The following ATP13A4 variants were observed in gnomAD, a reference collection of about 807,000 sequenced individuals.
The protein encoded by ATP13A4 is ATPase 13A4.
In ATP13A4, 114 loss-of-function variants were observed where a neutral mutation model predicts 142.5. The ratio of observed to expected loss-of-function variants is 0.80; its 90% CI spans 0.69 to 0.93. The LOEUF (loss-of-function observed/expected upper bound fraction) is 0.93. Among genes scored for constraint, ATP13A4 ranks in the 40% least tolerant of loss-of-function variants. ATP13A4 has a pLI of 0.00. For synonymous variants in ATP13A4, 488 were observed against 514.8 expected (o/e 0.95, Z 0.70); for missense variants, 1,392 against 1,454.0 (o/e 0.96, Z 0.69).
At chr3:193,520,688 CAA>C (rs981333648) in intron 1 of ATP13A4, among the ~76,000 whole-genome samples, 2 of 150,260 alleles carry the variant, frequency 1.3e-5, no homozygotes, top group Non-Finnish European at 3.0e-5. Flanking sequence ...TACTACTTTG[CAA>C]AAAAAAATTA....
At chr3:193,544,391 G>A (rs1178269211) in intron 1 of ATP13A4, among the ~76,000 whole-genome samples, 2 of 152,086 alleles carry the variant, frequency 1.3e-5, no homozygotes, top group East Asian at 3.9e-4. Flanking sequence ...CACAGAGAGG[G>A]AGAATATGAA....
intron 5 of ATP13A4, among the ~76,000 whole-genome samples, chr3:193,491,688 C>T (rs1719954278): frequency 6.6e-6 from 1 of 152,122 alleles, no homozygotes; most frequent in Non-Finnish European, 1.5e-5. Context: ...TTGTCTCATT[C>T]AAGTACTTTC....
intron 25 of ATP13A4, among the ~76,000 whole-genome samples, chr3:193,416,606 G>A (rs1487339070): frequency 1.3e-5 from 2 of 152,014 alleles, no homozygotes; most frequent in Admixed American, 6.6e-5. Context: ...CTGCTCAACA[G>A]CAAACTTGAG....
chr3:193,447,183 C>T (rs1717005714), intron 18 of ATP13A4, among the ~76,000 whole-genome samples: 2 of 152,104 alleles, frequency 1.3e-5, no homozygotes, highest in South Asian at 4.1e-4. Flanking sequence ...GAGAATGTGT[C>T]ATCTAAGTGC....
intron 2 of ATP13A4, among the ~76,000 whole-genome samples, chr3:193,567,449 A>C (rs1724159052): frequency 6.6e-6 from 1 of 152,222 alleles, no homozygotes; most frequent in African/African-American, 2.4e-5. Flanking sequence ...GTTCTGCTTA[A>C]TTTCTGCTAG....
intron 5 of ATP13A4, among the ~76,000 whole-genome samples, chr3:193,492,261 A>T (rs1360834343): frequency 6.6e-6 from 1 of 152,182 alleles, no homozygotes; most frequent in Admixed American, 6.5e-5. Flanking sequence ...AAGCATGTGA[A>T]TCATAGAAAC....
intron 2 of ATP13A4, among the ~76,000 whole-genome samples, chr3:193,503,475 T>A (rs1317481921): frequency 6.6e-6 from 1 of 152,056 alleles, no homozygotes. Flanking sequence ...TAAAACCCAC[T>A]CAGATGACTG....
chr3:193,413,343 A>C (rs1714875065), intron 26 of ATP13A4, among the ~76,000 whole-genome samples: 1 of 152,194 alleles, frequency 6.6e-6, no homozygotes, highest in Admixed American at 6.5e-5. Context: ...ACTATTGTAC[A>C]AATTGATTGT....
In ATP13A4 at chr3:193,452,533, C is replaced by G. The variant is rs138872137; in HGVS notation, c.2027+1568G>C. Among the ~76,000 whole-genome samples, 774 of 149,530 alleles carry G rather than the reference C, an allele frequency of 5.2e-3. 4 individuals carry two copies. The highest frequency in any genetic ancestry group is 0.018 in the African/African-American group (737 of 40,592). Reference sequence around the variant, plus strand: ...GTTGGGTCACAGCAGTCCTTCTAAGCAGAAACAGTCCTCCCTCTAGAGGAC... The same window carrying G: ...GTTGGGTCACAGCAGTCCTTCTAAGGAGAAACAGTCCTCCCTCTAGAGGAC... On this transcript the variant is annotated intron_variant, in intron 17 of 29. Coordinates refer to ENST00000342695, the MANE Select transcript of ATP13A4 (RefSeq NM_032279.4).
chr3:193,592,741 T>C (rs1421996371), intron 1 of ATP13A4, among the ~76,000 whole-genome samples: 15 of 152,204 alleles, frequency 9.9e-5, no homozygotes, highest in Admixed American at 9.8e-4. Flanking sequence ...TCCATGACTC[T>C]TCGTCCTGCT....
At position 193,538,836 on chromosome 3, in the gene ATP13A4, A is replaced by G. The variant is rs144732603; in HGVS notation, c.60+15904T>C. Among the ~76,000 whole-genome samples, 265 of 151,910 alleles carry G rather than the reference A, an allele frequency of 1.7e-3. 1 individual carries two copies. Among genetic ancestry groups the G allele is most frequent in the Non-Finnish European group, 2.6e-3 (174 of 67,986 alleles). On this transcript the variant is annotated intron_variant, in intron 1 of 29. Transcript: ENST00000342695. ...ATTCAGATCTGCTGCAAAAGGAGGC[A>G]GAAGCAATATGCAGACAAATGGAGG...
intron 2 of ATP13A4, among the ~76,000 whole-genome samples, chr3:193,577,687 C>T (rs1262781292): frequency 6.6e-6 from 1 of 152,206 alleles, no homozygotes; most frequent in Non-Finnish European, 1.5e-5. Context: ...AACCTGTAGT[C>T]CTGAGGCACC....
chr3:193,442,397 T>C lies in ATP13A4; in HGVS notation c.2312A>G (p.Asn771Ser). 1 of 1,613,776 alleles carries C rather than the reference T, an allele frequency of 6.2e-7. No individual in the cohort carries two copies. ...AAGGTCTGTGTTCAGGAGTACCTGA[T>C]TCCCATACATAATGTGTTTCTTCTC... ...VEEKKHIMYG[N>S]QDNYINIRDE... The change falls in exon 19 of 30, where the codon AAT becomes AGT. Residue 771 changes from asparagine to serine, a missense_variant. Asn to Ser is a conservative substitution (Grantham distance 46, BLOSUM62 1). Coordinates refer to ENST00000342695, the MANE Select transcript of ATP13A4 (RefSeq NM_032279.4).
chr3:193,414,834 A>G, intron 25 of ATP13A4, 84 bp from the exon 26 acceptor site: 2 of 1,381,682 alleles, frequency 1.4e-6, no homozygotes, highest in Non-Finnish European at 1.0e-6. Context: ...TCATTGGCCC[A>G]TACATTTGAG....
At position 193,448,330 on chromosome 3, in the gene ATP13A4, C is replaced by T; in HGVS notation, c.2028G>A (p.Arg676=). 6.2e-7 allele frequency: 1 copy of T among 1,613,750 alleles called. No homozygotes were observed. The highest frequency in any genetic ancestry group is 8.5e-7 in the Non-Finnish European group (1 of 1,179,980). The change falls in exon 18 of 30, where the codon AGG becomes AGA. Residue 676 remains arginine (R), a splice_region_variant and synonymous_variant. Transcript: ENST00000342695. The stretch of plus-strand genomic sequence containing the variant: ...ATATCAGGTCTGATTCTACCGTCTC[C>T]CTGAAAATACATATATAGATGTATT... The part of the protein sequence containing the change: ...ENDHHATTLT[R]ETVESDLIFL...
chr3:193,440,675 C>T (rs750950654), intron 20 of ATP13A4, 38 bp from the exon 21 acceptor site: 7 of 1,597,920 alleles, frequency 4.4e-6, no homozygotes, highest in African/African-American at 1.3e-5. Context: ...TTTATCAAGT[C>T]ATCTGGTTGT....
At chr3:193,556,288 T>A (rs1325374326), upstream of ATP13A4, among the ~76,000 whole-genome samples, 1 of 152,156 alleles carries the variant, frequency 6.6e-6, no homozygotes, top group Non-Finnish European at 1.5e-5. Context: ...CCACTGTCTG[T>A]CCCTCAAGCT....
At chr3:193,549,437 G>T (rs540495405) in intron 1 of ATP13A4, among the ~76,000 whole-genome samples, 16,881 of 140,066 alleles carry the variant, frequency 0.12, 1,034 homozygotes, top group Middle Eastern at 0.15. Context: ...TATATATAGA[G>T]AGAGAGAGAG....
chr3:193,471,107 A>G (rs868685321), intron 8 of ATP13A4, 114 bp from the exon 9 acceptor site: 2 of 1,381,034 alleles, frequency 1.4e-6, no homozygotes, highest in Middle Eastern at 2.1e-4. Flanking sequence ...TTTTTTTTAG[A>G]AAGGAGAACA....
Sources: allele counts gnomAD v4.1 joint callset (sites outside exome capture counted in the v4.1 genomes callset), GRCh38; gene constraint gnomAD v4.1.1; transcripts MANE v1.5; gene names NCBI Gene and HGNC (gene_info 2026-07-23, HGNC 2026-07-21).